The following GSE1 variants were observed in gnomAD, a reference collection of about 807,000 sequenced individuals.
GSE1 encodes the protein Gse1 coiled-coil protein, also known as genetic suppressor element 1.
In GSE1, 32 loss-of-function variants were observed where a neutral mutation model predicts 112.6. The observed-to-expected ratio is 0.28, with a 90% CI of 0.21 to 0.38. The LOEUF (loss-of-function observed/expected upper bound fraction) is 0.38, where lower values mean the gene tolerates loss of function less well. GSE1 is among the 10% of genes least tolerant of loss of function. GSE1 has a pLI of 1.00. For missense variants in GSE1, 2,348 were observed against 1,699.2 expected (o/e 1.38, Z -6.71); for synonymous variants, 1,115 against 735.6 (o/e 1.52, Z -8.35).
At chr16:85,426,199 CTGGA>C (rs146456524) in intron 2 of GSE1, among the ~76,000 whole-genome samples, 10 of 138,212 alleles carry the variant, frequency 7.2e-5, no homozygotes, top group South Asian at 2.4e-4. Flanking sequence ...AGATGGATGG[CTGGA>C]TGGATGGATG....
At chr16:85,397,972 G>A (rs994927855) in intron 2 of GSE1, among the ~76,000 whole-genome samples, 5 of 139,764 alleles carry the variant, frequency 3.6e-5, no homozygotes, top group South Asian at 2.7e-4. Context: ...AGTTAGTTCC[G>A]AATCGTGGGG....
At chr16:85,294,449 G>A (rs902665911) in intron 1 of GSE1, among the ~76,000 whole-genome samples, 5 of 152,260 alleles carry the variant, frequency 3.3e-5, no homozygotes, top group Non-Finnish European at 5.9e-5. Context: ...TTCGTGTTCC[G>A]TCAATGGAGG....
chr16:85,614,091 T>TCCCCTC (rs1555546247), intron 1 of GSE1, among the ~76,000 whole-genome samples: 6 of 8,280 alleles, frequency 7.2e-4, no homozygotes, highest in African/African-American at 3.3e-3. Context: ...GCCCCTCCCC[T>TCCCCTC]CCCCCCCGCA....
At position 85,666,356 on chromosome 16, in the gene GSE1, G is replaced by T; in HGVS notation, c.3130+9G>T. The T allele has an allele frequency of 6.2e-7, 1 of 1,613,158 alleles. No individual in the cohort carries two copies. Among genetic ancestry groups the T allele is most frequent in the Non-Finnish European group, 8.5e-7 (1 of 1,179,990 alleles). On this transcript the variant is annotated intron_variant, in intron 13 of 15. Transcript: ENST00000253458. ...CCTGCAGAAGCATAAAGGTAATGAG[G>T]CTGCCAGTCCCTGCTCAGCTCTCGG...
intron 2 of GSE1, among the ~76,000 whole-genome samples, chr16:85,398,114 C>T (rs913051348): frequency 6.6e-6 from 1 of 152,152 alleles, no homozygotes; most frequent in African/African-American, 2.4e-5. Flanking sequence ...CTCCAAGGTT[C>T]GGACCCCGAT....
At chr16:85,182,899 G>C (rs1239676229) in intron 1 of GSE1, among the ~76,000 whole-genome samples, 1 of 151,634 alleles carries the variant, frequency 6.6e-6, no homozygotes, top group Non-Finnish European at 1.5e-5. Flanking sequence ...CCTCCCTCTC[G>C]CACACACGCA....
Position 85,656,448 on chromosome 16 carries a change from C to T in GSE1, c.1095C>T (p.Arg365=), listed in dbSNP as rs541617467. Residue 365 remains arginine, a synonymous_variant, in exon 7 of 16, where the codon CGC becomes CGT. Coordinates refer to ENST00000253458, the MANE Select transcript of GSE1 (RefSeq NM_014615.5). ...REREKERERE[R]EKEREQEKER... is the part of the protein sequence containing the mutation. Reference sequence around the variant, plus strand: ...GGGAGAAGGAACGTGAGCGCGAACGCGAGAAGGAGCGCGAGCAAGAGAAGG... The same window carrying T: ...GGGAGAAGGAACGTGAGCGCGAACGTGAGAAGGAGCGCGAGCAAGAGAAGG... The T allele has an allele frequency of 3.1e-5, 48 of 1,549,588 alleles. No homozygotes were observed. The highest frequency in any genetic ancestry group is 5.7e-5 in the Admixed American group (3 of 52,310).
At chr16:85,521,728 GT>G (rs886196436) in intron 2 of GSE1, among the ~76,000 whole-genome samples, 2 of 152,236 alleles carry the variant, frequency 1.3e-5, no homozygotes, top group African/African-American at 2.4e-5. Flanking sequence ...GTGTTGCTCT[GT>G]GGAGGGCAGG....
At chr16:85,303,557 A>C (rs1158509091) in intron 1 of GSE1, among the ~76,000 whole-genome samples, 1 of 152,190 alleles carries the variant, frequency 6.6e-6, no homozygotes, top group Non-Finnish European at 1.5e-5. Context: ...CCGACAACTG[A>C]GGGTGGCAGG....
At chr16:85,333,715 T>C (rs940031650) in intron 1 of GSE1, among the ~76,000 whole-genome samples, 3 of 152,204 alleles carry the variant, frequency 2.0e-5, no homozygotes, top group Non-Finnish European at 1.5e-5. Context: ...AAGAGGGTCC[T>C]CAGCTTTGGA....
At chr16:85,296,910 G>T (rs1024942660) in intron 1 of GSE1, among the ~76,000 whole-genome samples, 4 of 152,226 alleles carry the variant, frequency 2.6e-5, no homozygotes, top group Admixed American at 1.3e-4. Context: ...TGAACCCAGG[G>T]GGTCTGTCGG....
At chr16:85,635,700 C>T (rs1233861632) in intron 2 of GSE1, among the ~76,000 whole-genome samples, 1 of 152,162 alleles carries the variant, frequency 6.6e-6, no homozygotes, top group Non-Finnish European at 1.5e-5. Context: ...ATTTCCGAGG[C>T]CACGGGCGGC....
chr16:85,667,966 A>ACGCTGGGTC (rs11268657), intron 13 of GSE1, among the ~76,000 whole-genome samples, 174 bp from the exon 14 acceptor site: 106,725 of 151,596 alleles, frequency 0.7, 37,673 homozygotes, highest in East Asian at 0.91. Flanking sequence ...GGACTTTCTC[A>ACGCTGGGTC]AGTGGCCCAG....
chr16:85,478,904 TTTCTTTCTTTCTTTCTTTC>T (rs2050568625), intron 2 of GSE1, among the ~76,000 whole-genome samples: 3 of 68,234 alleles, frequency 4.4e-5, no homozygotes, highest in Non-Finnish European at 8.3e-5. Context: ...TCTTTCTTTC[TTTCTTTCTTTCTTTCTTTC>T]TTTCTCTTTC....
At chr16:85,442,366 A>G (rs942858540) in intron 2 of GSE1, among the ~76,000 whole-genome samples, 8 of 152,134 alleles carry the variant, frequency 5.3e-5, no homozygotes, top group African/African-American at 1.2e-4. Context: ...AGGGACTTCT[A>G]TCCTGTTCCC....
intron 1 of GSE1, among the ~76,000 whole-genome samples, chr16:85,205,532 G>A (rs2075100027): frequency 6.6e-6 from 1 of 152,228 alleles, no homozygotes; most frequent in South Asian, 2.1e-4. Flanking sequence ...CAGCAGGCTG[G>A]GCTTTGTGTC....
At chr16:85,475,782 T>C (rs56335726) in intron 2 of GSE1, among the ~76,000 whole-genome samples, 883 of 7,654 alleles carry the variant, frequency 0.12, 11 homozygotes, top group African/African-American at 0.15. Context: ...TTTTCTTTTT[T>C]TTTTTTTTTT....
chr16:85,195,692 A>C (rs375580964), intron 1 of GSE1, among the ~76,000 whole-genome samples: 1 of 152,210 alleles, frequency 6.6e-6, no homozygotes, highest in African/African-American at 2.4e-5. Flanking sequence ...GTGGTCGTCA[A>C]AATTAACCCC....
intron 2 of GSE1, among the ~76,000 whole-genome samples, chr16:85,368,766 C>T (rs2047236954): frequency 6.6e-6 from 1 of 152,108 alleles, no homozygotes. Flanking sequence ...AATAAAATTC[C>T]AGCAACTGTA....
Sources: allele counts gnomAD v4.1 joint callset (sites outside exome capture counted in the v4.1 genomes callset), GRCh38; gene constraint gnomAD v4.1.1; transcripts MANE v1.5; gene names NCBI Gene and HGNC (gene_info 2026-07-23, HGNC 2026-07-21).